NCOA2: variants seen among roughly 807,000 people sequenced by gnomAD.
NCOA2 encodes the protein nuclear receptor coactivator 2.
A neutral mutation model predicts 145.1 loss-of-function variants in NCOA2; 21 were observed. The ratio of observed to expected loss-of-function variants is 0.14; its 90% CI spans 0.10 to 0.21. NCOA2 has a LOEUF of 0.21. Ranked by LOEUF, NCOA2 falls within the 10% of genes least tolerant of loss-of-function variation. NCOA2 has a pLI of 1.00. For missense variants in NCOA2, 1,472 were observed against 1,837.6 expected (o/e 0.80, Z 3.64); for synonymous variants, 619 against 637.5 (o/e 0.97, Z 0.44).
intron 1 of NCOA2, among the ~76,000 whole-genome samples, chr8:70,308,481 G>A (rs1828060022): frequency 6.6e-6 from 1 of 151,518 alleles, no homozygotes; most frequent in South Asian, 2.1e-4. Context: ...ACACATATAT[G>A]TGTGTGTGTG....
At chr8:70,383,972 T>C (rs1405787271) in intron 1 of NCOA2, among the ~76,000 whole-genome samples, 2 of 152,234 alleles carry the variant, frequency 1.3e-5, no homozygotes, top group African/African-American at 2.4e-5. Flanking sequence ...TCAGGGAATT[T>C]AGCTATACCA....
chr8:70,242,540 C>T (rs779823674), intron 2 of NCOA2, among the ~76,000 whole-genome samples: 2 of 152,016 alleles, frequency 1.3e-5, no homozygotes, highest in Non-Finnish European at 2.9e-5. Flanking sequence ...ATGGATAAGC[C>T]AACTGATTCT....
chr8:70,408,794 A>AT (rs1200870531), upstream of NCOA2, among the ~76,000 whole-genome samples: 1,547 of 86,982 alleles, frequency 0.018, 9 homozygotes, highest in Middle Eastern at 0.031. Context: ...TTTTTTTTGG[A>AT]TTTTTTTTTT....
chr8:70,132,222 A>AT (rs1487629411), intron 15 of NCOA2, among the ~76,000 whole-genome samples: 13 of 152,166 alleles, frequency 8.5e-5, no homozygotes, highest in African/African-American at 2.9e-4. Flanking sequence ...TTAAGGTATG[A>AT]TTTTTATTTC....
At chr8:70,180,511 T>G (rs1211405900) in intron 4 of NCOA2, among the ~76,000 whole-genome samples, 1 of 152,222 alleles carries the variant, frequency 6.6e-6, no homozygotes, top group African/African-American at 2.4e-5. Flanking sequence ...TAATATTATA[T>G]TCCATAGGTT....
chr8:70,324,973 C>T (rs1031715178), intron 1 of NCOA2, among the ~76,000 whole-genome samples: 12 of 152,178 alleles, frequency 7.9e-5, no homozygotes, highest in African/African-American at 2.9e-4. Flanking sequence ...GAAGTAACTT[C>T]TCTTAGTATT....
chr8:70,121,193 C>G (rs541606126), intron 22 of NCOA2, 109 bp downstream of exon 22: 1 of 864,348 alleles, frequency 1.2e-6, no homozygotes, highest in African/African-American at 1.7e-5. Context: ...AGATATTTTA[C>G]GATTATCTTT....
chr8:70,311,259 T>G (rs969941727), intron 1 of NCOA2, among the ~76,000 whole-genome samples: 1 of 152,128 alleles, frequency 6.6e-6, no homozygotes, highest in African/African-American at 2.4e-5. Context: ...TTGAAAATAT[T>G]TTAAAAGGAA....
At chr8:70,118,054 C>T (rs1354878087) in intron 22 of NCOA2, among the ~76,000 whole-genome samples, 1 of 152,106 alleles carries the variant, frequency 6.6e-6, no homozygotes, top group African/African-American at 2.4e-5. Flanking sequence ...ATTTGAGGGC[C>T]TTACCCTACG....
intron 1 of NCOA2, among the ~76,000 whole-genome samples, chr8:70,355,720 C>A (rs775738912): frequency 6.6e-6 from 1 of 152,070 alleles, no homozygotes; most frequent in Non-Finnish European, 1.5e-5. Flanking sequence ...CTGTTACCTA[C>A]ACACTCCAAA....
intron 1 of NCOA2, among the ~76,000 whole-genome samples, chr8:70,328,079 G>C (rs1408222307): frequency 2.0e-5 from 3 of 152,180 alleles, no homozygotes; most frequent in Non-Finnish European, 4.4e-5. Context: ...ACACAACTTA[G>C]CACTATTATA....
At chr8:70,189,668 T>A (rs1816471298) in intron 4 of NCOA2, among the ~76,000 whole-genome samples, 1 of 152,204 alleles carries the variant, frequency 6.6e-6, no homozygotes, top group Admixed American at 6.5e-5. Context: ...TAAAAATACA[T>A]GATATTAGAT....
intron 19 of NCOA2, among the ~76,000 whole-genome samples, chr8:70,125,946 T>C (rs945978068): frequency 2.0e-5 from 3 of 152,196 alleles, no homozygotes; most frequent in Non-Finnish European, 4.4e-5. Context: ...CACTTTTGCA[T>C]AGAAGACTTG....
intron 2 of NCOA2, among the ~76,000 whole-genome samples, chr8:70,290,430 C>T (rs147251997): frequency 0.015 from 2,260 of 152,136 alleles, 57 homozygotes; most frequent in African/African-American, 0.053. Context: ...CCTCGTGATC[C>T]GCCTGCCTCG....
chr8:70,399,519 TAA>T (rs1429307386), intron 1 of NCOA2, among the ~76,000 whole-genome samples: 4 of 152,230 alleles, frequency 2.6e-5, no homozygotes, highest in South Asian at 4.1e-4. Flanking sequence ...ACCAATACCT[TAA>T]AGCAGTGACT....
intron 1 of NCOA2, among the ~76,000 whole-genome samples, chr8:70,303,006 G>A (rs1170296655): frequency 1.3e-5 from 2 of 152,056 alleles, no homozygotes; most frequent in Admixed American, 6.6e-5. Context: ...GCCTACCATG[G>A]TCAGAGGCAA....
At chr8:70,295,671 G>A (rs1043351914) in intron 2 of NCOA2, among the ~76,000 whole-genome samples, 19 of 152,184 alleles carry the variant, frequency 1.2e-4, no homozygotes, top group Admixed American at 2.0e-4. Flanking sequence ...TCTGGGCGCA[G>A]TGGCTCACGT....
chr8:70,292,208 G>A (rs186099636), intron 2 of NCOA2, among the ~76,000 whole-genome samples: 124 of 152,004 alleles, frequency 8.2e-4, no homozygotes, highest in Middle Eastern at 3.4e-3. Flanking sequence ...GTTGCAGTGC[G>A]GTGGCGTGAT....
At chr8:70,401,187 G>C (rs993015474) in intron 1 of NCOA2, among the ~76,000 whole-genome samples, 13 of 152,222 alleles carry the variant, frequency 8.5e-5, no homozygotes, top group Non-Finnish European at 1.5e-4. Context: ...AGCAACCTGT[G>C]ATCTTTACAG....
Sources: gnomAD v4.1 joint callset for allele counts (sites outside exome capture counted in the v4.1 genomes callset) on GRCh38, gnomAD v4.1.1 for gene constraint, MANE v1.5 for transcripts, NCBI Gene and HGNC (gene_info 2026-07-23, HGNC 2026-07-21) for gene names.